The following CPA6 variants were observed in gnomAD, a reference collection of about 807,000 sequenced individuals.
CPA6 encodes carboxypeptidase B.
In CPA6, 58 loss-of-function variants were observed where a neutral mutation model predicts 63.3. The observed-to-expected ratio is 0.92, with a 90% CI of 0.74 to 1.14. CPA6 has a LOEUF of 1.14. Ranked by LOEUF, CPA6 falls within the 50% of genes most tolerant of loss-of-function variation. The pLI, the probability that CPA6 is intolerant of heterozygous loss-of-function variation, is 0.00. For missense variants in CPA6, 565 were observed against 526.6 expected (o/e 1.07, Z -0.71); for synonymous variants, 185 against 179.0 (o/e 1.03, Z -0.27).
chr8:67,538,891 C>A (rs760144475), intron 2 of CPA6, among the ~76,000 whole-genome samples: 4 of 152,108 alleles, frequency 2.6e-5, no homozygotes, highest in Non-Finnish European at 1.5e-5. Flanking sequence ...GATCTCCTGA[C>A]CTCATGATCT....
intron 8 of CPA6, among the ~76,000 whole-genome samples, chr8:67,439,602 G>GAAAGAA (rs756721225): frequency 2.1e-5 from 3 of 142,554 alleles, no homozygotes; most frequent in Non-Finnish European, 4.6e-5. Flanking sequence ...AAAAAAAAAA[G>GAAAGAA]AAAGAAAAAG....
Position 67,484,728 on chromosome 8 carries a change from T to C in CPA6, c.698A>G (p.Tyr233Cys), listed in dbSNP as rs1200929469. 1.9e-6 allele frequency: 3 copies of C among 1,611,038 alleles called. No homozygotes were observed. Among genetic ancestry groups the C allele is most frequent in the East Asian group, 2.2e-5 (1 of 44,830 alleles). Residue 233 changes from tyrosine (Y) to cysteine (C), a missense_variant, in exon 7 of 11, where the codon TAT (tyrosine) becomes TGT (cysteine). Transcript: ENST00000297770. ...ATCGACGTTAAACACAGGCATGATA[T>C]AGAAATATAGATGATTCAACATTTT... ...MRKMLNHLYF[Y>C]IMPVFNVDGY...
chr8:67,567,278 A>G (rs1254689806), intron 2 of CPA6, among the ~76,000 whole-genome samples: 1 of 152,244 alleles, frequency 6.6e-6, no homozygotes, highest in Non-Finnish European at 1.5e-5. Context: ...CCTGAAGTTC[A>G]TGCAGTTTTG....
intron 8 of CPA6, chr8:67,483,458 C>T (rs1291471834): frequency 2.3e-6 from 1 of 436,422 alleles, no homozygotes. Flanking sequence ...TATACTACAC[C>T]ACGGTTCATG....
At chr8:67,717,997 A>T (rs1817414840) in intron 1 of CPA6, among the ~76,000 whole-genome samples, 1 of 152,002 alleles carries the variant, frequency 6.6e-6, no homozygotes, top group Non-Finnish European at 1.5e-5. Context: ...GGAGATAAAC[A>T]CCTTTGGGGC....
intron 8 of CPA6, among the ~76,000 whole-genome samples, chr8:67,442,310 T>C (rs1353999206): frequency 6.6e-6 from 1 of 151,700 alleles, no homozygotes; most frequent in Non-Finnish European, 1.5e-5. Flanking sequence ...ACAGAAAAAA[T>C]CAATATAATG....
rs146662107 is a variant in CPA6 at position 67,434,037 on chromosome 8, C to G, written c.1041+1G>C. 6.2e-7 allele frequency: 1 copy of G among 1,606,138 alleles called. No homozygotes were observed. The highest frequency in any genetic ancestry group is 1.3e-5 in the African/African-American group (1 of 74,726). On this transcript the variant is annotated splice_donor_variant, in intron 9 of 10. Coordinates refer to ENST00000297770, the MANE Select transcript of CPA6 (RefSeq NM_020361.5). LOFTEE classifies it high-confidence loss of function. ...GTACATGCACAGGGTCAAATACTTA[C>G]CACACATCTAAAATTGGGAATTGTT...
At position 67,560,160 on chromosome 8, in the gene CPA6, G is replaced by GATATATATAT. The variant is rs6150633; in HGVS notation, c.193-42123_193-42114dup. ...GGTATCACATCTTCTTGTATTTCCG[G>GATATATATAT]ATATATATATATATATATTCCAGAT... is the stretch of plus-strand genomic sequence containing the variant. On this transcript the variant is annotated intron_variant, in intron 2 of 10. Transcript: ENST00000297770. 3.5e-3 allele frequency among the ~76,000 whole-genome samples: 492 copies of GATATATATAT among 140,028 alleles called. 8 individuals are homozygous for GATATATATAT. The highest frequency in any genetic ancestry group is 0.02 in the South Asian group (89 of 4,450). 91.9% of individuals were successfully genotyped at this position (140,028 alleles called of 152,430 possible). A position where few individuals can be genotyped will look rare whatever the true frequency, so the allele number is the denominator to read the frequency against.
At chr8:67,560,771 C>A (rs1168037475) in intron 2 of CPA6, among the ~76,000 whole-genome samples, 1 of 152,108 alleles carries the variant, frequency 6.6e-6, no homozygotes, top group East Asian at 1.9e-4. Flanking sequence ...TGCTAGGCCA[C>A]CTCCCATTTC....
In CPA6 at chr8:67,547,652, G is replaced by A. The variant is rs144605759; in HGVS notation, c.193-29605C>T. Reference sequence around the variant, plus strand: ...TGGGCCCACAGGTGAATGCCACCATGCTCAGCTAATTTTGTAATTTTTTGT... The same window carrying A: ...TGGGCCCACAGGTGAATGCCACCATACTCAGCTAATTTTGTAATTTTTTGT... On this transcript the variant is annotated intron_variant, in intron 2 of 10. Coordinates refer to ENST00000297770, the MANE Select transcript of CPA6 (RefSeq NM_020361.5). 6.4e-3 allele frequency among the ~76,000 whole-genome samples: 977 copies of A among 152,088 alleles called. 10 individuals carry two copies. Among genetic ancestry groups the A allele is most frequent in the African/African-American group, 0.022 (928 of 41,512 alleles).
intron 1 of CPA6, among the ~76,000 whole-genome samples, chr8:67,625,442 G>T (rs1237173927): frequency 2.0e-5 from 3 of 152,142 alleles, no homozygotes; most frequent in Non-Finnish European, 4.4e-5. Context: ...TCTCTTTGGG[G>T]GCCTTGTCTC....
intron 2 of CPA6, among the ~76,000 whole-genome samples, chr8:67,534,847 C>T (rs766882157): frequency 1.2e-4 from 18 of 152,072 alleles, no homozygotes; most frequent in Non-Finnish European, 1.5e-4. Flanking sequence ...AGGTATTTCT[C>T]TAAATGCTGT....
At chr8:67,617,967 C>A (rs1814996565) in intron 2 of CPA6, among the ~76,000 whole-genome samples, 1 of 152,296 alleles carries the variant, frequency 6.6e-6, no homozygotes, top group Middle Eastern at 3.4e-3. Context: ...AGTCTGAGTG[C>A]CTCTTCTGCA....
At chr8:67,544,285 T>G (rs189812293) in intron 2 of CPA6, among the ~76,000 whole-genome samples, 1 of 152,250 alleles carries the variant, frequency 6.6e-6, no homozygotes, top group East Asian at 1.9e-4. Flanking sequence ...GTGGTCAGGG[T>G]GTACTGTCAG....
chr8:67,695,998 G>T (rs898763185), intron 1 of CPA6, among the ~76,000 whole-genome samples: 5 of 152,174 alleles, frequency 3.3e-5, no homozygotes, highest in Non-Finnish European at 5.9e-5. Context: ...TGAACTGGAA[G>T]TTAAGACTGC....
At chr8:67,437,099 T>G (rs142321541) in intron 8 of CPA6, among the ~76,000 whole-genome samples, 69 of 152,230 alleles carry the variant, frequency 4.5e-4, no homozygotes, top group Admixed American at 7.2e-4. Context: ...GAATGTAATA[T>G]AAAAACTATA....
At chr8:67,651,408 C>T (rs543192347) in intron 1 of CPA6, among the ~76,000 whole-genome samples, 3 of 152,284 alleles carry the variant, frequency 2.0e-5, no homozygotes, top group East Asian at 3.9e-4. Context: ...GGCCTCTATA[C>T]TGGCTTCTCT....
intron 6 of CPA6, among the ~76,000 whole-genome samples, chr8:67,502,108 T>C (rs1811840542): frequency 6.6e-6 from 1 of 152,208 alleles, no homozygotes; most frequent in South Asian, 2.1e-4. Flanking sequence ...CTGATATTGG[T>C]AATTTGCATC....
chr8:67,573,060 C>A (rs1237595690), intron 2 of CPA6, among the ~76,000 whole-genome samples: 2 of 152,112 alleles, frequency 1.3e-5, no homozygotes, highest in African/African-American at 4.8e-5. Flanking sequence ...ATGCATTTGA[C>A]AAAATTCAAC....
Sources: allele counts gnomAD v4.1 joint callset (sites outside exome capture counted in the v4.1 genomes callset), GRCh38; gene constraint gnomAD v4.1.1; transcripts MANE v1.5; gene names NCBI Gene and HGNC (gene_info 2026-07-23, HGNC 2026-07-21).